Variants in ANKRD13C observed in about 807,000 individuals in gnomAD.
The protein encoded by ANKRD13C is ankyrin repeat domain 13C.
Under a neutral mutation model 65.5 loss-of-function variants are expected in ANKRD13C, and 16 were observed. The ratio of observed to expected loss-of-function variants is 0.24; its 90% CI spans 0.17 to 0.37. The LOEUF is 0.37. Among genes scored for constraint, ANKRD13C ranks in the 10% least tolerant of loss-of-function variants. The probability of loss-of-function intolerance (pLI) is 1.00; values close to 1 mark genes in which losing one functional copy is unlikely to be tolerated. For missense variants in ANKRD13C, 503 were observed against 655.9 expected (o/e 0.77, Z 2.55); for synonymous variants, 235 against 238.7 (o/e 0.98, Z 0.14).
intron 2 of ANKRD13C, among the ~76,000 whole-genome samples, chr1:70,331,417 C>T (rs944971718): frequency 1.3e-5 from 2 of 149,882 alleles, no homozygotes; most frequent in South Asian, 2.1e-4. Flanking sequence ...AAAAATTAGC[C>T]GGGCATGGTA....
chr1:70,342,563 G>A (rs1306627158), intron 1 of ANKRD13C, among the ~76,000 whole-genome samples: 1 of 152,000 alleles, frequency 6.6e-6, no homozygotes, highest in African/African-American at 2.4e-5. Flanking sequence ...AAAAAAAGAA[G>A]AGACGTTTAC....
chr1:70,281,047 C>G (rs961946499), intron 9 of ANKRD13C, among the ~76,000 whole-genome samples: 2 of 151,910 alleles, frequency 1.3e-5, no homozygotes, highest in African/African-American at 4.8e-5. Flanking sequence ...AATGGTGTTA[C>G]TACCTAAGAC....
chr1:70,343,389 C>T (rs1165349948), intron 1 of ANKRD13C, among the ~76,000 whole-genome samples: 15 of 152,180 alleles, frequency 9.9e-5, no homozygotes, highest in Non-Finnish European at 2.9e-5. Context: ...ATTTATTACA[C>T]AAAGGATAAT....
At chr1:70,288,799 G>A (rs1027048219) in intron 9 of ANKRD13C, among the ~76,000 whole-genome samples, 1 of 152,136 alleles carries the variant, frequency 6.6e-6, no homozygotes, top group Non-Finnish European at 1.5e-5. Context: ...TCGTATGGTG[G>A]TAGACATCTT....
At chr1:70,331,006 C>T (rs966560646) in intron 2 of ANKRD13C, among the ~76,000 whole-genome samples, 1 of 152,060 alleles carries the variant, frequency 6.6e-6, no homozygotes, top group African/African-American at 2.4e-5. Context: ...AATCAGTCTT[C>T]TGTGGTGAAA....
chr1:70,306,893 T>G (rs1045218197), intron 5 of ANKRD13C, among the ~76,000 whole-genome samples: 7 of 152,220 alleles, frequency 4.6e-5, no homozygotes, highest in African/African-American at 1.4e-4. Context: ...CATATTCTGA[T>G]AGTTTTTTAT....
intron 1 of ANKRD13C, among the ~76,000 whole-genome samples, chr1:70,345,473 A>G (rs910762650): frequency 6.6e-6 from 1 of 152,130 alleles, no homozygotes; most frequent in East Asian, 1.9e-4. Flanking sequence ...AATCATATAA[A>G]TAAGTTTTTT....
At chr1:70,346,974 C>CTG (rs1682554546) in intron 1 of ANKRD13C, among the ~76,000 whole-genome samples, 1 of 151,726 alleles carries the variant, frequency 6.6e-6, no homozygotes, top group Non-Finnish European at 1.5e-5. Context: ...CGCCTGTAGT[C>CTG]CCAGCTACTC....
At chr1:70,336,160 T>A in intron 1 of ANKRD13C, 61 bp from the exon 2 acceptor site, 1 of 440,872 alleles carries the variant, frequency 2.3e-6, no homozygotes, top group Non-Finnish European at 3.6e-6. Context: ...AACATTTACT[T>A]AAAAGTGGTT....
intron 7 of ANKRD13C, 94 bp from the exon 8 acceptor site, chr1:70,296,355 ATTTTT>A: frequency 8.1e-7 from 1 of 1,236,798 alleles, no homozygotes; most frequent in African/African-American, 1.5e-5. Flanking sequence ...AATGGTACCA[ATTTTT>A]AAAGACAAAA....
At position 70,302,443 on chromosome 1, in the gene ANKRD13C, T is replaced by C. The variant is rs557648349; in HGVS notation, c.777-1535A>G. 1.5e-4 allele frequency among the ~76,000 whole-genome samples: 22 copies of C among 146,778 alleles called. 6 individuals are homozygous for C. The East Asian group carries it at 5.0e-3, about 33-fold the overall frequency. ...GCATGTGTCCTAAAAGAAAATAGTA[T>C]TGGCCGGGCGCGGTGGCTCACGCCT... On this transcript the variant is annotated intron_variant, in intron 6 of 12. Coordinates refer to ENST00000370944, the MANE Select transcript of ANKRD13C (RefSeq NM_030816.5).
At chr1:70,327,130 TAACA>T (rs1464678394) in intron 2 of ANKRD13C, among the ~76,000 whole-genome samples, 2 of 152,112 alleles carry the variant, frequency 1.3e-5, no homozygotes, top group African/African-American at 2.4e-5. Flanking sequence ...TATTTACTAA[TAACA>T]AACAGAAAAA....
chr1:70,274,070 A>G (rs1679015390), intron 11 of ANKRD13C, among the ~76,000 whole-genome samples: 1 of 152,256 alleles, frequency 6.6e-6, no homozygotes, highest in Admixed American at 6.5e-5. Context: ...CAAAAATACA[A>G]TAGTCATTAA....
chr1:70,316,445 G>C (rs1342294019), intron 3 of ANKRD13C, among the ~76,000 whole-genome samples: 3 of 151,852 alleles, frequency 2.0e-5, no homozygotes, highest in Admixed American at 1.3e-4. Flanking sequence ...CTACTCAGGA[G>C]GTTAAGGTGA....
In ANKRD13C at chr1:70,297,288, T is replaced by G. The variant is rs1205025505; in HGVS notation, c.922-1027A>C. Among the ~76,000 whole-genome samples the G allele has an allele frequency of 2.9e-4, 30 of 101,930 alleles. 1 individual carries two copies. The highest frequency in any genetic ancestry group is 1.0e-3 in the African/African-American group (28 of 27,406). 66.9% of individuals were successfully genotyped at this position (101,930 alleles called of 152,430 possible). Reference sequence around the variant, plus strand: ...TAACCTACATAGAGTCCCTTTCTGATTTTTTTTTTTTTTTTTTTTTTTTGA... The same window carrying G: ...TAACCTACATAGAGTCCCTTTCTGAGTTTTTTTTTTTTTTTTTTTTTTTGA... On this transcript the variant is annotated intron_variant, in intron 7 of 12. Coordinates refer to ENST00000370944, the MANE Select transcript of ANKRD13C (RefSeq NM_030816.5).
chr1:70,286,709 G>C (rs1360537127), intron 9 of ANKRD13C, among the ~76,000 whole-genome samples: 1 of 152,236 alleles, frequency 6.6e-6, no homozygotes, highest in Non-Finnish European at 1.5e-5. Flanking sequence ...GAATAGGCCA[G>C]GCACGGTGGC....
chr1:70,306,856 T>A (rs1680607776), intron 5 of ANKRD13C, among the ~76,000 whole-genome samples: 1 of 152,220 alleles, frequency 6.6e-6, no homozygotes, highest in South Asian at 2.1e-4. Flanking sequence ...TATGTTGCTA[T>A]CTATAGCTCA....
intron 8 of ANKRD13C, among the ~76,000 whole-genome samples, chr1:70,294,277 T>C (rs1032630329): frequency 2.0e-5 from 3 of 152,324 alleles, no homozygotes; most frequent in South Asian, 2.1e-4. Context: ...TAAAAACTGG[T>C]GACATTCTGC....
intron 6 of ANKRD13C, among the ~76,000 whole-genome samples, chr1:70,302,410 T>C (rs1680399241): frequency 6.6e-6 from 1 of 152,066 alleles, no homozygotes; most frequent in South Asian, 2.1e-4. Context: ...ACACCTATCA[T>C]TGCTTGAGCA....
Sources: gnomAD v4.1 joint callset for allele counts (sites outside exome capture counted in the v4.1 genomes callset) on GRCh38, gnomAD v4.1.1 for gene constraint, MANE v1.5 for transcripts, NCBI Gene and HGNC (gene_info 2026-07-23, HGNC 2026-07-21) for gene names.